The following TCF25 variants were observed in gnomAD, a reference collection of about 807,000 sequenced individuals.
The protein encoded by TCF25 is ribosome quality control complex subunit TCF25.
In TCF25, 41 loss-of-function variants were observed where a neutral mutation model predicts 83.1. The ratio of observed to expected loss-of-function variants is 0.49; its 90% CI spans 0.38 to 0.64. The LOEUF (loss-of-function observed/expected upper bound fraction) is 0.64, where lower values mean the gene tolerates loss of function less well. Among genes scored for constraint, TCF25 ranks in the 30% least tolerant of loss-of-function variants. The pLI, the probability that TCF25 is intolerant of heterozygous loss-of-function variation, is 0.00. For missense variants in TCF25, 979 were observed against 914.5 expected, an observed-to-expected ratio of 1.07 and a Z score of -0.91; for synonymous variants, 458 against 365.0, an observed-to-expected ratio of 1.25 and a Z score of -2.90.
chr16:89,893,919 C>G, intron 7 of TCF25, 61 bp downstream of exon 7: 1 of 1,544,930 alleles, frequency 6.5e-7, no homozygotes, highest in Non-Finnish European at 8.7e-7. Context: ...CTGCCCTGGG[C>G]CGCCTGCTTC....
intron 16 of TCF25, among the ~76,000 whole-genome samples, chr16:89,908,640 CCTCCCAG>C (rs2045248809): frequency 3.1e-5 from 3 of 97,932 alleles, no homozygotes; most frequent in Admixed American, 9.3e-5. Flanking sequence ...CCACCTCCCA[CCTCCCAG>C]CTCCCACCTC....
chr16:89,905,737 G>A lies in TCF25; in HGVS notation c.1629-457G>A, dbSNP rs144966748. ...GCCGCTGGCAGTCATGGGCCCGTCC[G>A]CGTGTCTGCTGTCCCCACTGGACTG... On this transcript the variant is annotated intron_variant, in intron 14 of 17. Coordinates refer to ENST00000263346, the MANE Select transcript of TCF25 (RefSeq NM_014972.3). Among the ~76,000 whole-genome samples, 157 of 152,308 alleles carry A rather than the reference G, an allele frequency of 1.0e-3. 3 individuals carry two copies. In the South Asian group the frequency reaches 0.019, roughly 18 times the overall value.
chr16:89,904,921 C>A lies in TCF25; in HGVS notation c.1470-17C>A, dbSNP rs373676824. Reference sequence around the variant, plus strand: ...GTCTGAAGAGGGGTTCTGCTCAGAGCCCTTGCTCTCCCCCAGCCAGCCCCC... The same window carrying A: ...GTCTGAAGAGGGGTTCTGCTCAGAGACCTTGCTCTCCCCCAGCCAGCCCCC... On this transcript the variant is annotated splice_polypyrimidine_tract_variant and intron_variant, in intron 13 of 17. Transcript: ENST00000263346. 6 of 1,596,906 alleles carry A rather than the reference C, an allele frequency of 3.8e-6. No individual in the cohort carries two copies. The African/African-American group carries it at 8.1e-5, about 21-fold the overall frequency.
At chr16:89,892,089 C>A in intron 5 of TCF25, 104 bp from the exon 6 acceptor site, 2 of 1,106,176 alleles carry the variant, frequency 1.8e-6, no homozygotes, top group Non-Finnish European at 2.5e-6. Flanking sequence ...GCCTTCTCTG[C>A]CCCTCAGTTT....
At position 89,896,250 on chromosome 16, in the gene TCF25, G is replaced by A. The variant is rs964215485; in HGVS notation, c.1022+167G>A. Reference sequence around the variant, plus strand: ...CTCTGGGCTTAAGGATAGAGGGATGGGATTGTCTCAGCCCAGGTTTACCTT... The same window carrying A: ...CTCTGGGCTTAAGGATAGAGGGATGAGATTGTCTCAGCCCAGGTTTACCTT... On this transcript the variant is annotated intron_variant, in intron 9 of 17. Coordinates refer to ENST00000263346, the MANE Select transcript of TCF25 (RefSeq NM_014972.3). 2.6e-5 allele frequency among the ~76,000 whole-genome samples: 4 copies of A among 152,284 alleles called. No homozygotes were observed. In the East Asian group the frequency reaches 7.7e-4, roughly 29 times the overall value.
chr16:89,901,271 G>C (rs1198880730), intron 12 of TCF25, among the ~76,000 whole-genome samples: 1 of 152,262 alleles, frequency 6.6e-6, no homozygotes, highest in Non-Finnish European at 1.5e-5. Flanking sequence ...CGCACATGTG[G>C]CGGGCACAGT....
chr16:89,897,854 G>A (rs942111653), intron 9 of TCF25, among the ~76,000 whole-genome samples: 2 of 152,210 alleles, frequency 1.3e-5, no homozygotes, highest in African/African-American at 2.4e-5. Flanking sequence ...GGTGGCTCAC[G>A]CTTGTAATCT....
At chr16:89,908,989 G>C (rs1162506535) in intron 16 of TCF25, 1 of 1,289,412 alleles carries the variant, frequency 7.8e-7, no homozygotes, top group Non-Finnish European at 1.0e-6. Flanking sequence ...GAGAGGAACA[G>C]TGTTATTTGG....
At chr16:89,874,006 C>A in intron 1 of TCF25, 147 bp downstream of exon 1, 1 of 1,067,004 alleles carries the variant, frequency 9.4e-7, no homozygotes, top group Non-Finnish European at 1.3e-6. Context: ...GAGGGCGGGG[C>A]CGTGCGTCGG....
rs1338388469 is a variant in TCF25, at chr16:89,904,920, G to T, written c.1470-18G>T. 6.3e-7 allele frequency: 1 copy of T among 1,596,800 alleles called. No homozygotes were observed. Among genetic ancestry groups the T allele is most frequent in the Non-Finnish European group, 8.5e-7 (1 of 1,172,440 alleles). ...GGTCTGAAGAGGGGTTCTGCTCAGA[G>T]CCCTTGCTCTCCCCCAGCCAGCCCC... On this transcript the variant is annotated intron_variant, in intron 13 of 17. Transcript: ENST00000263346.
At chr16:89,910,463 G>A in intron 16 of TCF25, 128 bp from the exon 17 acceptor site, 1 of 885,576 alleles carries the variant, frequency 1.1e-6, no homozygotes, top group Non-Finnish European at 1.8e-6. Flanking sequence ...AGCTGCTGCT[G>A]CTCTGCCCCC....
chr16:89,879,102 T>A (rs554820107), intron 1 of TCF25, among the ~76,000 whole-genome samples: 3 of 152,286 alleles, frequency 2.0e-5, no homozygotes, highest in African/African-American at 7.2e-5. Flanking sequence ...TCAGAGCCTG[T>A]CACACGTGTT....
At position 89,887,737 on chromosome 16, in the gene TCF25, G is replaced by T; in HGVS notation, c.614+20G>T. ...GCAAAGGTAAGGTCCACAGTGAGCT[G>T]CATTCTCACAGCTGCTTCATTCCTT... On this transcript the variant is annotated intron_variant, in intron 5 of 17. Transcript: ENST00000263346. The T allele has an allele frequency of 6.5e-7, 1 of 1,544,412 alleles. No homozygotes were observed. The highest frequency in any genetic ancestry group is 8.7e-7 in the Non-Finnish European group (1 of 1,151,968).
In TCF25 at chr16:89,883,336, A is replaced by C; in HGVS notation, c.193-15A>C. 1 of 1,611,976 alleles carries C rather than the reference A, an allele frequency of 6.2e-7. No homozygotes were observed. Among genetic ancestry groups the C allele is most frequent in the South Asian group, 1.1e-5 (1 of 91,048 alleles). On this transcript the variant is annotated splice_polypyrimidine_tract_variant and intron_variant, in intron 1 of 17. Transcript: ENST00000263346. ...GTAAGTAACGCCCTGGCTCTTCTCC[A>C]ACCTGTTTTTCCAGATAAACATTGA...
At chr16:89,898,955 CAG>C (rs1361688637) in intron 11 of TCF25, 83 bp downstream of exon 11, 21 of 1,351,570 alleles carry the variant, frequency 1.6e-5, no homozygotes, top group Admixed American at 5.5e-5. Context: ...TCTGTGCGCT[CAG>C]GGGACGTTTG....
In TCF25 at chr16:89,873,744, T is replaced by C; in HGVS notation, c.77T>C (p.Phe26Ser). Residue 26 changes from phenylalanine to serine, a missense_variant, in exon 1 of 18, where the codon TTC becomes TCC. Coordinates refer to ENST00000263346, the MANE Select transcript of TCF25 (RefSeq NM_014972.3). ...QEPLGPGALH[F>S]DLRDDDDAEE... is the part of the protein sequence containing the mutation. ...CCCCTCGGGCCCGGCGCCTTGCATTTCGATCTCCGTGATGACGATGACGCG... is the reference window on the plus strand; with the variant it reads ...CCCCTCGGGCCCGGCGCCTTGCATTCCGATCTCCGTGATGACGATGACGCG... The C allele has an allele frequency of 6.2e-7, 1 of 1,611,512 alleles. No homozygotes were observed. The highest frequency in any genetic ancestry group is 1.3e-5 in the African/African-American group (1 of 74,726).
In TCF25 at chr16:89,910,576, T is replaced by C. The variant is rs201185119; in HGVS notation, c.1800-15T>C. On this transcript the variant is annotated splice_polypyrimidine_tract_variant and intron_variant, in intron 16 of 17. Transcript: ENST00000263346. ...AGTTCAGTGTCGTTTCTGACTTTTC[T>C]TGACTTTCTTTCAGGCTAAGTCCTA... 260 of 1,613,448 alleles carry C rather than the reference T, an allele frequency of 1.6e-4. No individual in the cohort carries two copies. In the African/African-American group the frequency reaches 2.9e-3, roughly 18 times the overall value.
chr16:89,898,773 G>C lies in TCF25; in HGVS notation c.1122G>C (p.Glu374Asp). The C allele has an allele frequency of 6.2e-7, 1 of 1,613,822 alleles. No homozygotes were observed. Among genetic ancestry groups the C allele is most frequent in the Non-Finnish European group, 8.5e-7 (1 of 1,180,038 alleles). ...LEYCKLILSL[E>D]PDEDPLCMLL... ...TCTGTGCTGCCTCCGGAAGTCTCGA[G>C]CCGGATGAGGACCCCCTCTGCATGC... is the stretch of plus-strand genomic sequence containing the variant. The change falls in exon 11 of 18, where the codon GAG becomes GAC. Residue 374 changes from glutamate to aspartate, a missense_variant. Physicochemically the swap from Glu to Asp is conservative, Grantham distance 45. Transcript: ENST00000263346.
intron 6 of TCF25, among the ~76,000 whole-genome samples, chr16:89,893,067 C>T (rs548128487): frequency 1.1e-4 from 16 of 152,362 alleles, no homozygotes; most frequent in African/African-American, 3.6e-4. Context: ...TGGCAGGAAC[C>T]CCTGCTCACT....
Sources: gnomAD v4.1 joint callset for allele counts (sites outside exome capture counted in the v4.1 genomes callset) on GRCh38, gnomAD v4.1.1 for gene constraint, MANE v1.5 for transcripts, NCBI Gene and HGNC (gene_info 2026-07-23, HGNC 2026-07-21) for gene names.